Variants in ZNF804A observed in about 807,000 individuals in gnomAD.
The protein encoded by ZNF804A is zinc finger protein 804A.
A neutral mutation model predicts 16.5 loss-of-function variants in ZNF804A; 2 were observed. The ratio of observed to expected loss-of-function variants is 0.12; its 90% CI spans 0.05 to 0.38. The LOEUF is 0.38. ZNF804A is among the 10% of genes least tolerant of loss of function. The pLI, the probability that ZNF804A is intolerant of heterozygous loss-of-function variation, is 0.99. For missense variants in ZNF804A, 1,473 were observed against 1,390.7 expected (o/e 1.06, Z -0.94); for synonymous variants, 534 against 489.6 (o/e 1.09, Z -1.20).
intron 1 of ZNF804A, among the ~76,000 whole-genome samples, chr2:184,681,571 C>G (rs2105719229): frequency 6.6e-6 from 1 of 152,310 alleles, no homozygotes; most frequent in Admixed American, 6.5e-5. Context: ...TGAACAATGT[C>G]AATAACAAAC....
chr2:184,785,598 A>C (rs1255274265), intron 1 of ZNF804A, among the ~76,000 whole-genome samples: 1 of 152,022 alleles, frequency 6.6e-6, no homozygotes, highest in Non-Finnish European at 1.5e-5. Context: ...ATTCACCAGA[A>C]ACTATGAAAA....
chr2:184,891,983 T>C (rs1340436291), intron 2 of ZNF804A, among the ~76,000 whole-genome samples: 1 of 152,154 alleles, frequency 6.6e-6, no homozygotes, highest in Non-Finnish European at 1.5e-5. Context: ...GCTCAAGTTG[T>C]GGAAATAACA....
chr2:184,842,085 C>G (rs544506757), intron 1 of ZNF804A, among the ~76,000 whole-genome samples: 2 of 152,232 alleles, frequency 1.3e-5, no homozygotes, highest in South Asian at 4.1e-4. Context: ...CTTCTCCATC[C>G]AATTTTTAGT....
chr2:184,894,559 T>C (rs1330348333), intron 2 of ZNF804A, among the ~76,000 whole-genome samples: 1 of 152,110 alleles, frequency 6.6e-6, no homozygotes, highest in Non-Finnish European at 1.5e-5. Context: ...AAATCTAGAT[T>C]ACACTTTTAT....
At chr2:184,684,890 A>G (rs561191736) in intron 1 of ZNF804A, among the ~76,000 whole-genome samples, 2 of 152,244 alleles carry the variant, frequency 1.3e-5, no homozygotes, top group South Asian at 4.1e-4. Flanking sequence ...ACATGATTTT[A>G]TTCTCTTTTA....
chr2:184,928,842 C>G lies in ZNF804A; in HGVS notation c.256-4761C>G, dbSNP rs569245849. On this transcript the variant is annotated intron_variant, in intron 2 of 3. Transcript: ENST00000302277. Reference sequence around the variant, plus strand: ...GCACTGAGTTCAACATAACGTCTCACAGTTGTTTCTCTCTCACTCTCTCAA... The same window carrying G: ...GCACTGAGTTCAACATAACGTCTCAGAGTTGTTTCTCTCTCACTCTCTCAA... Among the ~76,000 whole-genome samples, 6 of 152,242 alleles carry G rather than the reference C, an allele frequency of 3.9e-5. No homozygotes were observed. The South Asian group carries it at 1.2e-3, about 32-fold the overall frequency.
chr2:184,622,270 G>A (rs1045248993), intron 1 of ZNF804A, among the ~76,000 whole-genome samples: 5 of 151,786 alleles, frequency 3.3e-5, no homozygotes, highest in Non-Finnish European at 7.4e-5. Flanking sequence ...ATTGTGTCAT[G>A]AAATAGGAAG....
intron 1 of ZNF804A, among the ~76,000 whole-genome samples, chr2:184,659,835 G>A (rs1315160923): frequency 6.6e-6 from 1 of 152,180 alleles, no homozygotes; most frequent in Non-Finnish European, 1.5e-5. Flanking sequence ...AAAAGTGTAA[G>A]TACGAAGCAC....
intron 1 of ZNF804A, among the ~76,000 whole-genome samples, chr2:184,672,161 C>T (rs1692347386): frequency 6.6e-6 from 1 of 152,136 alleles, no homozygotes; most frequent in Admixed American, 6.6e-5. Context: ...ATTTCTGAAA[C>T]AGCATGGGAA....
chr2:184,667,027 A>G (rs1692265499), intron 1 of ZNF804A, among the ~76,000 whole-genome samples: 1 of 152,006 alleles, frequency 6.6e-6, no homozygotes, highest in South Asian at 2.1e-4. Flanking sequence ...AGGGTATAGA[A>G]AGGCAAATAA....
intron 2 of ZNF804A, among the ~76,000 whole-genome samples, chr2:184,880,047 C>T (rs1242142629): frequency 6.6e-6 from 1 of 151,950 alleles, no homozygotes; most frequent in Non-Finnish European, 1.5e-5. Flanking sequence ...TTAATATTTG[C>T]AACCAACTAC....
chr2:184,655,368 G>A (rs1363480800), intron 1 of ZNF804A, among the ~76,000 whole-genome samples: 1 of 152,098 alleles, frequency 6.6e-6, no homozygotes, highest in East Asian at 1.9e-4. Flanking sequence ...ATAGAGTAGG[G>A]AAACATGGAT....
At chr2:184,857,005 C>T (rs767478336) in intron 1 of ZNF804A, among the ~76,000 whole-genome samples, 2 of 151,974 alleles carry the variant, frequency 1.3e-5, no homozygotes, top group Non-Finnish European at 2.9e-5. Flanking sequence ...CTATTTCGTT[C>T]CTTCTGCTAA....
chr2:184,612,848 T>C (rs1050511687), intron 1 of ZNF804A, among the ~76,000 whole-genome samples: 1 of 152,200 alleles, frequency 6.6e-6, no homozygotes, highest in African/African-American at 2.4e-5. Context: ...AAGAGCCACA[T>C]TGAAGACAAT....
At chr2:184,885,295 A>G (rs897482976) in intron 2 of ZNF804A, among the ~76,000 whole-genome samples, 1 of 152,348 alleles carries the variant, frequency 6.6e-6, no homozygotes, top group South Asian at 2.1e-4. Context: ...TTCTCAAAGA[A>G]CTGAAAGCAG....
At chr2:184,676,639 G>GT (rs1375558669) in intron 1 of ZNF804A, among the ~76,000 whole-genome samples, 8 of 151,632 alleles carry the variant, frequency 5.3e-5, no homozygotes, top group Non-Finnish European at 8.9e-5. Context: ...TAAATATAAT[G>GT]TTTTTTCTGA....
chr2:184,643,857 A>G (rs538864933), intron 1 of ZNF804A, among the ~76,000 whole-genome samples: 4 of 151,802 alleles, frequency 2.6e-5, no homozygotes, highest in East Asian at 1.9e-4. Context: ...GGAAAACCGA[A>G]CAGAACCTGA....
At chr2:184,682,250 A>C (rs1574160531) in intron 1 of ZNF804A, among the ~76,000 whole-genome samples, 1 of 152,364 alleles carries the variant, frequency 6.6e-6, no homozygotes, top group South Asian at 2.1e-4. Flanking sequence ...AGCAATGCTC[A>C]GACAGAAGGC....
chr2:184,628,746 G>C (rs185438216), intron 1 of ZNF804A, among the ~76,000 whole-genome samples: 39 of 152,128 alleles, frequency 2.6e-4, no homozygotes, highest in Admixed American at 9.2e-4. Context: ...ACATGCCCAT[G>C]AGTTTCTTTT....
Sources: gnomAD v4.1 joint callset for allele counts (sites outside exome capture counted in the v4.1 genomes callset) on GRCh38, gnomAD v4.1.1 for gene constraint, MANE v1.5 for transcripts, NCBI Gene and HGNC (gene_info 2026-07-23, HGNC 2026-07-21) for gene names.